The following PREX2 variants were observed in gnomAD, a reference collection of about 807,000 sequenced individuals.
The protein encoded by PREX2 is phosphatidylinositol 3,4,5-trisphosphate-dependent Rac exchanger 2 protein.
A neutral mutation model predicts 203.2 loss-of-function variants in PREX2; 107 were observed. That is an observed-to-expected ratio of 0.53 (90% confidence interval 0.45 to 0.62). The LOEUF is 0.62. Among genes scored for constraint, PREX2 ranks in the 20% least tolerant of loss-of-function variants. PREX2 has a pLI of 0.00. For missense variants in PREX2, 1,777 were observed against 1,955.9 expected (o/e 0.91, Z 1.72); for synonymous variants, 672 against 663.6 (o/e 1.01, Z -0.19).
Position 68,233,275 on chromosome 8 carries a change from A to C in PREX2, c.*1897A>C, listed in dbSNP as rs1473828590. The C allele has an allele frequency of 6.6e-6, 1 of 152,228 alleles. No individual in the cohort carries two copies. Among genetic ancestry groups the C allele is most frequent in the Non-Finnish European group, 1.5e-5 (1 of 68,038 alleles). 9.4% of individuals were successfully genotyped at this position (152,228 alleles called of 1,614,324 possible). ...AGCTAGCAAGTCCTTTCATATTGTC[A>C]TGACTGTTTTCTCATCACCATCCTG... On this transcript the variant is annotated 3_prime_UTR_variant, in exon 40 of 40. Transcript: ENST00000288368.
intron 32 of PREX2, among the ~76,000 whole-genome samples, chr8:68,134,915 T>C (rs190647235): frequency 9.6e-4 from 147 of 152,334 alleles, no homozygotes; most frequent in African/African-American, 3.4e-3. Flanking sequence ...TTTTTTCACG[T>C]ATACCTCCTG....
At chr8:68,099,642 GTT>G (rs1002479777) in intron 22 of PREX2, 38 bp from the exon 23 acceptor site, 1 of 1,588,532 alleles carries the variant, frequency 6.3e-7, no homozygotes, top group Non-Finnish European at 8.6e-7. Context: ...CTGTATGTGT[GTT>G]TGTGTGTGTG....
chr8:68,005,096 T>A (rs1341391209), intron 1 of PREX2, among the ~76,000 whole-genome samples: 2 of 152,192 alleles, frequency 1.3e-5, no homozygotes, highest in Non-Finnish European at 2.9e-5. Flanking sequence ...TTTGATAAGG[T>A]CCTTTGCTGT....
intron 1 of PREX2, among the ~76,000 whole-genome samples, chr8:68,002,591 G>A (rs1806974606): frequency 6.6e-6 from 1 of 152,058 alleles, no homozygotes; most frequent in African/African-American, 2.4e-5. Flanking sequence ...TGTAATATGG[G>A]AACTTAAGAA....
chr8:68,022,861 T>G (rs1168165305), intron 4 of PREX2, among the ~76,000 whole-genome samples: 1 of 152,210 alleles, frequency 6.6e-6, no homozygotes, highest in Non-Finnish European at 1.5e-5. Flanking sequence ...TTCTGGATAT[T>G]TTATAGAAGT....
At chr8:68,157,085 G>A (rs1367820960) in intron 34 of PREX2, among the ~76,000 whole-genome samples, 1 of 152,050 alleles carries the variant, frequency 6.6e-6, no homozygotes, top group South Asian at 2.1e-4. Context: ...TAAAAATAGA[G>A]GACAGTTAAA....
intron 22 of PREX2, among the ~76,000 whole-genome samples, chr8:68,098,928 ATATATATGTG>A (rs1486920470): frequency 1.1e-4 from 14 of 123,830 alleles, no homozygotes; most frequent in African/African-American, 4.5e-4. Flanking sequence ...GAAATGCTAC[ATATATATGTG>A]TATATATATA....
At chr8:68,228,765 CTAAATAAATAAATAAA>C (rs59480721) in intron 39 of PREX2, among the ~76,000 whole-genome samples, 11 of 140,670 alleles carry the variant, frequency 7.8e-5, no homozygotes, top group South Asian at 2.4e-4. Flanking sequence ...GACTCCGTCT[CTAAATAAATAAATAAA>C]TAAATAAATA....
At chr8:68,025,539 T>G (rs1474250306) in intron 4 of PREX2, among the ~76,000 whole-genome samples, 1 of 152,056 alleles carries the variant, frequency 6.6e-6, no homozygotes, top group Non-Finnish European at 1.5e-5. Context: ...ATAGATTAAT[T>G]TTTCATCAAA....
intron 31 of PREX2, 103 bp downstream of exon 31, chr8:68,127,522 T>C (rs1336320304): frequency 1.4e-6 from 1 of 740,702 alleles, no homozygotes; most frequent in African/African-American, 1.8e-5. Context: ...ATTTACAAAA[T>C]AGAAATATGA....
At chr8:68,019,389 G>A (rs771736071) in intron 2 of PREX2, among the ~76,000 whole-genome samples, 160 bp from the exon 3 acceptor site, 9 of 152,296 alleles carry the variant, frequency 5.9e-5, no homozygotes, top group Admixed American at 3.3e-4. Flanking sequence ...TTGTGTCGGC[G>A]GCGTGAAGGG....
chr8:68,051,017 C>T (rs1019861624), intron 8 of PREX2, among the ~76,000 whole-genome samples: 1 of 152,182 alleles, frequency 6.6e-6, no homozygotes, highest in South Asian at 2.1e-4. Flanking sequence ...TGACTTGATT[C>T]AGTGGTGAGA....
chr8:68,015,875 T>G (rs1393617438), intron 1 of PREX2, among the ~76,000 whole-genome samples: 2 of 152,190 alleles, frequency 1.3e-5, no homozygotes, highest in Admixed American at 1.3e-4. Context: ...AGATAAGAGT[T>G]CAAAAATTAT....
At chr8:67,979,916 C>T (rs941379972) in intron 1 of PREX2, among the ~76,000 whole-genome samples, 1 of 152,158 alleles carries the variant, frequency 6.6e-6, no homozygotes, top group African/African-American at 2.4e-5. Flanking sequence ...TGGAGGAGAT[C>T]ATGGTCTACT....
intron 37 of PREX2, among the ~76,000 whole-genome samples, chr8:68,215,295 C>G (rs946140533): frequency 2.6e-5 from 4 of 152,010 alleles, no homozygotes; most frequent in Non-Finnish European, 5.9e-5. Context: ...AGTGAGTACA[C>G]GAGAGATAAA....
rs188287290 is a variant in PREX2 at position 68,151,546 on chromosome 8, G to A, written c.4231+5194G>A. On this transcript the variant is annotated intron_variant, in intron 34 of 39. Coordinates refer to ENST00000288368, the MANE Select transcript of PREX2 (RefSeq NM_024870.4). ...ACGGTCATTTCTGCTTTCACCCTTG[G>A]TTCCTGGACCTGGGTATTCTACCTC... is the stretch of plus-strand genomic sequence containing the variant. Among the ~76,000 whole-genome samples, 203 of 152,192 alleles carry A rather than the reference G, an allele frequency of 1.3e-3. 1 individual carries two copies. The highest frequency in any genetic ancestry group is 4.5e-3 in the African/African-American group (188 of 41,534).
chr8:68,086,279 A>G (rs1563537357), intron 18 of PREX2, among the ~76,000 whole-genome samples: 1 of 152,174 alleles, frequency 6.6e-6, no homozygotes, highest in Admixed American at 6.6e-5. Flanking sequence ...TGCCTAGGTT[A>G]TATTTGAGAT....
chr8:68,080,439 G>T lies in PREX2; in HGVS notation c.1643-4G>T. The T allele has an allele frequency of 6.2e-7, 1 of 1,610,228 alleles. No individual in the cohort carries two copies. Among genetic ancestry groups the T allele is most frequent in the Non-Finnish European group, 8.5e-7 (1 of 1,178,838 alleles). On this transcript the variant is annotated splice_polypyrimidine_tract_variant and splice_region_variant and intron_variant, in intron 15 of 39. Coordinates refer to ENST00000288368, the MANE Select transcript of PREX2 (RefSeq NM_024870.4). ...AAATAATTTGCATCTGTCTTTTTCT[G>T]TAGTCCTTGAAAAAAGCGAATTCAA...
At chr8:67,970,174 T>C (rs897421846) in intron 1 of PREX2, among the ~76,000 whole-genome samples, 4 of 152,282 alleles carry the variant, frequency 2.6e-5, no homozygotes, top group Middle Eastern at 3.4e-3. Flanking sequence ...TGTGTAACAG[T>C]TGTTGAAGGT....
Sources: gnomAD v4.1 joint callset for allele counts (sites outside exome capture counted in the v4.1 genomes callset) on GRCh38, gnomAD v4.1.1 for gene constraint, MANE v1.5 for transcripts, NCBI Gene and HGNC (gene_info 2026-07-23, HGNC 2026-07-21) for gene names.